Variants in ERC2 observed in about 807,000 individuals in gnomAD.
The protein encoded by ERC2 is ERC protein 2.
Under a neutral mutation model 114.8 loss-of-function variants are expected in ERC2, and 42 were observed. The observed-to-expected ratio is 0.37, with a 90% CI of 0.29 to 0.47. ERC2 has a LOEUF of 0.47. ERC2 is among the 20% of genes least tolerant of loss of function. The pLI is 0.99. For missense variants in ERC2, 939 were observed against 1,150.7 expected (o/e 0.82, Z 2.66); for synonymous variants, 454 against 425.5 (o/e 1.07, Z -0.82).
chr3:55,933,562 C>A (rs1348398950), intron 13 of ERC2, among the ~76,000 whole-genome samples: 1 of 152,172 alleles, frequency 6.6e-6, no homozygotes, highest in Non-Finnish European at 1.5e-5. Context: ...CCTATATGTG[C>A]AGGGCTATAT....
chr3:56,221,264 A>C (rs543319830), intron 3 of ERC2, among the ~76,000 whole-genome samples: 1 of 152,172 alleles, frequency 6.6e-6, no homozygotes, highest in South Asian at 2.1e-4. Flanking sequence ...AGCATTAGCA[A>C]GTGTCAATAA....
At chr3:55,652,657 AG>A (rs1319802993) in intron 17 of ERC2, among the ~76,000 whole-genome samples, 1 of 152,122 alleles carries the variant, frequency 6.6e-6, no homozygotes, top group African/African-American at 2.4e-5. Context: ...GTGGATCATA[AG>A]GTCATGAGTT....
At chr3:56,157,705 C>T (rs959995709) in intron 4 of ERC2, among the ~76,000 whole-genome samples, 3 of 151,022 alleles carry the variant, frequency 2.0e-5, no homozygotes, top group African/African-American at 4.9e-5. Flanking sequence ...ATCTCCGAAA[C>T]ATACCACAGA....
intron 14 of ERC2, among the ~76,000 whole-genome samples, chr3:55,861,997 C>T (rs2149263695): frequency 6.6e-6 from 1 of 152,352 alleles, no homozygotes; most frequent in African/African-American, 2.4e-5. Flanking sequence ...GAAGTAACCA[C>T]TTCTACTTCT....
intron 14 of ERC2, among the ~76,000 whole-genome samples, chr3:55,783,147 C>T (rs898327388): frequency 1.3e-5 from 2 of 152,218 alleles, no homozygotes; most frequent in African/African-American, 2.4e-5. Context: ...GCAAGGAATA[C>T]TTACCGAAGC....
intron 4 of ERC2, among the ~76,000 whole-genome samples, chr3:56,152,217 T>C (rs2081449936): frequency 6.6e-6 from 1 of 152,174 alleles, no homozygotes; most frequent in African/African-American, 2.4e-5. Flanking sequence ...TAAATGGCTC[T>C]GGAAAGTCCT....
intron 14 of ERC2, among the ~76,000 whole-genome samples, chr3:55,817,215 G>A (rs2059934124): frequency 6.6e-6 from 1 of 152,174 alleles, no homozygotes; most frequent in African/African-American, 2.4e-5. Flanking sequence ...CTCTTGATCA[G>A]GTCACTTTCC....
intron 14 of ERC2, among the ~76,000 whole-genome samples, chr3:55,749,095 A>C (rs1039269394): frequency 6.6e-6 from 1 of 152,216 alleles, no homozygotes; most frequent in Non-Finnish European, 1.5e-5. Flanking sequence ...AGTCTGCAGA[A>C]GGCCTTTTGC....
intron 2 of ERC2, among the ~76,000 whole-genome samples, chr3:56,382,433 T>C (rs977352949): frequency 6.6e-6 from 1 of 152,190 alleles, no homozygotes; most frequent in African/African-American, 2.4e-5. Context: ...TGTCCAGGTT[T>C]ATGGCCTCCA....
chr3:55,549,948 G>T (rs2649864), intron 17 of ERC2, among the ~76,000 whole-genome samples: 34,751 of 105,378 alleles, frequency 0.33, 5,323 homozygotes, highest in Middle Eastern at 0.47. Flanking sequence ...GAGAGAGAGA[G>T]AGAGAGAGAG....
intron 13 of ERC2, among the ~76,000 whole-genome samples, chr3:55,906,727 G>C (rs575781949): frequency 6.6e-6 from 1 of 152,338 alleles, no homozygotes; most frequent in East Asian, 1.9e-4. Context: ...GGGAAAGGAA[G>C]AGTGAGCACC....
chr3:56,293,864 A>C (rs1245664601), intron 3 of ERC2, among the ~76,000 whole-genome samples: 1 of 152,254 alleles, frequency 6.6e-6, no homozygotes, highest in Non-Finnish European at 1.5e-5. Context: ...GGAGGCAGCC[A>C]CATAAGGCAC....
At chr3:55,649,571 A>T (rs897016575) in intron 17 of ERC2, among the ~76,000 whole-genome samples, 1 of 152,090 alleles carries the variant, frequency 6.6e-6, no homozygotes, top group African/African-American at 2.4e-5. Flanking sequence ...ATAATTTTTT[A>T]AAATAATGCC....
intron 14 of ERC2, among the ~76,000 whole-genome samples, chr3:55,877,998 T>C (rs577444795): frequency 6.6e-6 from 1 of 152,292 alleles, no homozygotes; most frequent in African/African-American, 2.4e-5. Context: ...CTGCCTCCTC[T>C]GACTTACCAT....
At chr3:56,132,016 T>C (rs1286720880) in intron 6 of ERC2, among the ~76,000 whole-genome samples, 1 of 152,260 alleles carries the variant, frequency 6.6e-6, no homozygotes, top group African/African-American at 2.4e-5. Context: ...TCCCACCTTA[T>C]ATGCTATGGC....
intron 12 of ERC2, among the ~76,000 whole-genome samples, chr3:55,958,120 G>A (rs923017019): frequency 1.3e-5 from 2 of 152,198 alleles, no homozygotes; most frequent in East Asian, 1.9e-4. Flanking sequence ...GTGACAGAAC[G>A]GCTCTCAGGA....
chr3:56,276,633 T>C (rs1057470230), intron 3 of ERC2, among the ~76,000 whole-genome samples: 1 of 152,160 alleles, frequency 6.6e-6, no homozygotes, highest in Non-Finnish European at 1.5e-5. Flanking sequence ...GAAGACTACA[T>C]TTGAATATAA....
At chr3:55,829,567 G>C (rs1267449512) in intron 14 of ERC2, among the ~76,000 whole-genome samples, 1 of 152,138 alleles carries the variant, frequency 6.6e-6, no homozygotes, top group Admixed American at 6.5e-5. Context: ...GTCACCTAGA[G>C]TGCAGTGCAT....
chr3:56,251,831 T>A (rs914278044), intron 3 of ERC2, among the ~76,000 whole-genome samples: 1 of 152,200 alleles, frequency 6.6e-6, no homozygotes, highest in African/African-American at 2.4e-5. Context: ...GGGAAACTCT[T>A]TACTTGTAGA....
Sources: gnomAD v4.1 joint callset for allele counts (sites outside exome capture counted in the v4.1 genomes callset) on GRCh38, gnomAD v4.1.1 for gene constraint, MANE v1.5 for transcripts, NCBI Gene and HGNC (gene_info 2026-07-23, HGNC 2026-07-21) for gene names.